The following DCC variants were observed in gnomAD, a reference collection of about 807,000 sequenced individuals.
DCC encodes the protein netrin receptor DCC.
DCC carries 58 observed loss-of-function variants against 172.5 expected under a neutral mutation model. That is an observed-to-expected ratio of 0.34 (90% CI 0.27 to 0.42). The LOEUF is 0.42. Ranked by LOEUF, DCC falls within the 10% of genes least tolerant of loss-of-function variation. DCC has a pLI of 1.00. For missense variants in DCC, 1,740 were observed against 1,791.0 expected, an observed-to-expected ratio of 0.97 and a Z score of 0.51; for synonymous variants, 709 against 644.5, an observed-to-expected ratio of 1.10 and a Z score of -1.52.
At chr18:52,715,785 C>T (rs531023689) in intron 1 of DCC, among the ~76,000 whole-genome samples, 1 of 152,228 alleles carries the variant, frequency 6.6e-6, no homozygotes, top group East Asian at 1.9e-4. Flanking sequence ...CATCCTCTTC[C>T]CACCCCTGTC....
At chr18:52,974,187 C>G (rs1012778039) in intron 5 of DCC, among the ~76,000 whole-genome samples, 6 of 152,098 alleles carry the variant, frequency 3.9e-5, no homozygotes, top group Non-Finnish European at 8.8e-5. Flanking sequence ...AGGCCAGATA[C>G]AAATTTTCCT....
At chr18:53,318,247 G>A (rs978432129) in intron 13 of DCC, among the ~76,000 whole-genome samples, 1 of 152,036 alleles carries the variant, frequency 6.6e-6, no homozygotes. Context: ...TACCCAGTAG[G>A]CATTCAGGAC....
At chr18:52,932,253 A>T (rs1191740177) in intron 5 of DCC, among the ~76,000 whole-genome samples, 5 of 152,174 alleles carry the variant, frequency 3.3e-5, no homozygotes, top group Non-Finnish European at 7.4e-5. Flanking sequence ...ATCTGACTAT[A>T]ATTGTGAACA....
chr18:53,187,316 GT>G (rs1232262136), intron 9 of DCC, among the ~76,000 whole-genome samples: 1 of 151,702 alleles, frequency 6.6e-6, no homozygotes, highest in Non-Finnish European at 1.5e-5. Context: ...TAGAGACGGG[GT>G]TTCACTATGT....
chr18:52,839,512 A>T (rs1241819108), intron 2 of DCC, among the ~76,000 whole-genome samples: 1 of 152,192 alleles, frequency 6.6e-6, no homozygotes, highest in Non-Finnish European at 1.5e-5. Flanking sequence ...GACTAGGCAG[A>T]TTGATGAGTG....
intron 2 of DCC, among the ~76,000 whole-genome samples, chr18:52,766,549 A>C (rs185153084): frequency 1.3e-5 from 2 of 152,146 alleles, no homozygotes; most frequent in East Asian, 3.9e-4. Context: ...AGAAGCTGAA[A>C]AGAGTACAGT....
chr18:53,232,253 C>T (rs952473637), intron 12 of DCC, among the ~76,000 whole-genome samples: 2 of 152,140 alleles, frequency 1.3e-5, no homozygotes, highest in Non-Finnish European at 2.9e-5. Context: ...ACAAATATTT[C>T]TCTTTGCTTG....
In DCC at chr18:52,396,164, G is replaced by A. The variant is rs74331912; in HGVS notation, c.91+55286G>A. ...TCCTGGGGTTCTCTATGTATTTCCC[G>A]TTAAAGCAGAAAAGAAAATAAATGC... On this transcript the variant is annotated intron_variant, in intron 1 of 28. Transcript: ENST00000442544. Among the ~76,000 whole-genome samples, 297 of 151,872 alleles carry A rather than the reference G, an allele frequency of 2.0e-3. 1 individual carries two copies. Among genetic ancestry groups the A allele is most frequent in the African/African-American group, 6.6e-3 (275 of 41,428 alleles).
At chr18:53,383,279 C>T (rs1259116828) in intron 15 of DCC, among the ~76,000 whole-genome samples, 1 of 151,950 alleles carries the variant, frequency 6.6e-6, no homozygotes, top group African/African-American at 2.4e-5. Context: ...TTTAATTTTA[C>T]TGTTTTGTTT....
intron 1 of DCC, among the ~76,000 whole-genome samples, chr18:52,461,377 T>G (rs1988624760): frequency 6.6e-6 from 1 of 152,164 alleles, no homozygotes; most frequent in Non-Finnish European, 1.5e-5. Context: ...TCCAGTTAAC[T>G]TTTCTTTTTT....
chr18:52,351,436 T>C (rs1359718017), intron 1 of DCC, among the ~76,000 whole-genome samples: 1 of 152,092 alleles, frequency 6.6e-6, no homozygotes, highest in Non-Finnish European at 1.5e-5. Context: ...TCCTTGATTT[T>C]TTTATTAGAT....
At chr18:53,329,183 A>G (rs1345029289) in intron 14 of DCC, among the ~76,000 whole-genome samples, 1 of 152,200 alleles carries the variant, frequency 6.6e-6, no homozygotes, top group Admixed American at 6.5e-5. Flanking sequence ...GCAAAAAACT[A>G]AAACATTATG....
chr18:52,852,525 A>G (rs2038991884), intron 2 of DCC, among the ~76,000 whole-genome samples: 1 of 152,186 alleles, frequency 6.6e-6, no homozygotes, highest in Non-Finnish European at 1.5e-5. Flanking sequence ...AAAATAGGTA[A>G]ATCAATACAA....
intron 2 of DCC, among the ~76,000 whole-genome samples, chr18:52,780,157 G>T (rs1475075150): frequency 6.6e-6 from 1 of 151,956 alleles, no homozygotes. Flanking sequence ...ATTTTTGCCT[G>T]ACTCTTTACA....
intron 2 of DCC, among the ~76,000 whole-genome samples, chr18:52,763,617 A>T (rs1384988314): frequency 1.3e-5 from 2 of 152,210 alleles, no homozygotes; most frequent in Non-Finnish European, 2.9e-5. Context: ...ATTTGTTTTT[A>T]TTGGGAAATA....
At chr18:53,367,864 C>T (rs922130953) in intron 15 of DCC, among the ~76,000 whole-genome samples, 1 of 152,026 alleles carries the variant, frequency 6.6e-6, no homozygotes, top group African/African-American at 2.4e-5. Context: ...CTCAGAATTT[C>T]CTTCTTTTTA....
At chr18:52,710,980 G>A in intron 1 of DCC, among the ~76,000 whole-genome samples, 1 of 152,176 alleles carries the variant, frequency 6.6e-6, no homozygotes, top group Non-Finnish European at 1.5e-5. Context: ...TGGTCTCTAG[G>A]AGATTTTATG....
intron 1 of DCC, among the ~76,000 whole-genome samples, chr18:52,547,371 G>C (rs1402015452): frequency 3.3e-5 from 5 of 152,114 alleles, no homozygotes; most frequent in African/African-American, 1.2e-4. Context: ...TTTATCAATT[G>C]CTGCTGGATA....
intron 1 of DCC, among the ~76,000 whole-genome samples, chr18:52,645,445 G>C (rs1358791388): frequency 6.6e-6 from 1 of 152,086 alleles, no homozygotes; most frequent in Non-Finnish European, 1.5e-5. Flanking sequence ...AAATCTTTTA[G>C]TTATCTCTCA....
Sources: gnomAD v4.1 joint callset for allele counts (sites outside exome capture counted in the v4.1 genomes callset) on GRCh38, gnomAD v4.1.1 for gene constraint, MANE v1.5 for transcripts, NCBI Gene and HGNC (gene_info 2026-07-23, HGNC 2026-07-21) for gene names.